Variants in MEOX2 observed in about 807,000 individuals in gnomAD.
MEOX2 encodes the protein mesenchyme homeobox 2.
Under a neutral mutation model 27.0 loss-of-function variants are expected in MEOX2, and 11 were observed. The ratio of observed to expected loss-of-function variants is 0.41; its 90% CI spans 0.26 to 0.68. The LOEUF (loss-of-function observed/expected upper bound fraction) is 0.68. Among genes scored for constraint, MEOX2 ranks in the 30% least tolerant of loss-of-function variants. The probability of loss-of-function intolerance (pLI) is 0.33; values close to 1 mark genes in which losing one functional copy is unlikely to be tolerated. For missense variants in MEOX2, 436 were observed against 385.4 expected (o/e 1.13, Z -1.10); for synonymous variants, 189 against 155.4 (o/e 1.22, Z -1.61).
chr7:15,657,322 A>G lies in MEOX2; in HGVS notation c.517+28564T>C, dbSNP rs573637487. On this transcript the variant is annotated intron_variant, in intron 1 of 2. Transcript: ENST00000262041. ...CCTCCCCGTCAGGAATTCCAATTAC[A>G]CAAATATTAGATTGCTTTTGGTCAC... Among the ~76,000 whole-genome samples, 5 of 152,246 alleles carry G rather than the reference A, an allele frequency of 3.3e-5. 1 individual carries two copies. The highest frequency in any genetic ancestry group is 1.2e-4 in the African/African-American group (5 of 41,568).
chr7:15,682,745 A>T (rs969804825), intron 1 of MEOX2, among the ~76,000 whole-genome samples: 3 of 151,886 alleles, frequency 2.0e-5, no homozygotes, highest in African/African-American at 7.2e-5. Flanking sequence ...AAGCCAAGCA[A>T]TTCACACTAT....
chr7:15,683,918 A>G (rs943186062), intron 1 of MEOX2, among the ~76,000 whole-genome samples: 33 of 152,316 alleles, frequency 2.2e-4, no homozygotes, highest in African/African-American at 7.7e-4. Flanking sequence ...CCTCATTATC[A>G]GCTTCAAAAT....
At chr7:15,652,579 C>G (rs1383580849) in intron 1 of MEOX2, among the ~76,000 whole-genome samples, 1 of 151,918 alleles carries the variant, frequency 6.6e-6, no homozygotes, top group East Asian at 1.9e-4. Flanking sequence ...TAAAGATATT[C>G]TAAAAAACTA....
At chr7:15,676,593 G>A (rs780783799) in intron 1 of MEOX2, among the ~76,000 whole-genome samples, 9 of 151,998 alleles carry the variant, frequency 5.9e-5, no homozygotes, top group Non-Finnish European at 1.2e-4. Flanking sequence ...AGTTCTGGCC[G>A]GGCGCGGTGG....
Position 15,685,913 on chromosome 7 carries a change from C to T in MEOX2, c.490G>A (p.Gly164Ser), listed in dbSNP as rs141784602. 4 of 1,607,666 alleles carry T rather than the reference C, an allele frequency of 2.5e-6. No homozygotes were observed. The highest frequency in any genetic ancestry group is 2.5e-6 in the Non-Finnish European group (3 of 1,177,446). ...LSPAEAEKRS[G>S]GKRKSDSSDS... The stretch of plus-strand genomic sequence containing the variant: ...GAGCTGTCGCTTTTCCTCTTGCCGC[C>T]GCTTCGCTTCTCCGCCTCCGCAGGT... Residue 164 changes from glycine (G) to serine (S), a missense_variant, in exon 1 of 3, where the codon GGC (glycine) becomes AGC (serine). Gly to Ser is a moderately conservative substitution (Grantham distance 56). Coordinates refer to ENST00000262041, the MANE Select transcript of MEOX2 (RefSeq NM_005924.5).
chr7:15,685,906 T>C lies in MEOX2; in HGVS notation c.497A>G (p.Lys166Arg), dbSNP rs1583801704. The C allele has an allele frequency of 6.2e-7, 1 of 1,605,426 alleles. No individual in the cohort carries two copies. The highest frequency in any genetic ancestry group is 1.1e-5 in the South Asian group (1 of 90,062). The change falls in exon 1 of 3, where the codon AAG (lysine) becomes AGG (arginine). Residue 166 changes from lysine to arginine, a missense_variant. Physicochemically the swap from Lys to Arg is conservative, Grantham distance 26 (BLOSUM62 2). Coordinates refer to ENST00000262041, the MANE Select transcript of MEOX2 (RefSeq NM_005924.5). Reference protein sequence around the residue: ...PAEAEKRSGGKRKSDSSDSQE... With the variant: ...PAEAEKRSGGRRKSDSSDSQE... ...CTTACCTGAGCTGTCGCTTTTCCTCTTGCCGCCGCTTCGCTTCTCCGCCTC... is the reference window on the plus strand; with the variant it reads ...CTTACCTGAGCTGTCGCTTTTCCTCCTGCCGCCGCTTCGCTTCTCCGCCTC...
At chr7:15,661,579 T>C (rs1262286867) in intron 1 of MEOX2, among the ~76,000 whole-genome samples, 1 of 152,166 alleles carries the variant, frequency 6.6e-6, no homozygotes, top group East Asian at 1.9e-4. Context: ...AGTGGGGAGA[T>C]GAATCAATCA....
chr7:15,645,500 A>G (rs1352454689), intron 1 of MEOX2, among the ~76,000 whole-genome samples: 2 of 152,212 alleles, frequency 1.3e-5, no homozygotes, highest in African/African-American at 4.8e-5. Context: ...CATGACTGCA[A>G]TAATATTTTT....
chr7:15,659,415 C>G (rs1237167301), intron 1 of MEOX2, among the ~76,000 whole-genome samples: 1 of 152,016 alleles, frequency 6.6e-6, no homozygotes, highest in East Asian at 1.9e-4. Context: ...ATATCTGTGT[C>G]TGCTATGTGT....
chr7:15,659,937 A>G (rs2115382836), intron 1 of MEOX2, among the ~76,000 whole-genome samples: 1 of 152,304 alleles, frequency 6.6e-6, no homozygotes, highest in South Asian at 2.1e-4. Flanking sequence ...AGAACTACAG[A>G]CTTTGTCTCT....
intron 1 of MEOX2, among the ~76,000 whole-genome samples, chr7:15,667,289 CAAAAA>C (rs532691969): frequency 0.041 from 1,685 of 40,946 alleles, 45 homozygotes; most frequent in Middle Eastern, 0.17. Context: ...GACTCTGTCT[CAAAAA>C]AAAAAAAAAA....
At chr7:15,638,631 CCTT>C (rs1056592020) in intron 1 of MEOX2, among the ~76,000 whole-genome samples, 1 of 152,042 alleles carries the variant, frequency 6.6e-6, no homozygotes, top group African/African-American at 2.4e-5. Context: ...ACCCTCTCCT[CCTT>C]CTCTCTCTCC....
intron 2 of MEOX2, among the ~76,000 whole-genome samples, chr7:15,614,456 T>C (rs527272479): frequency 1.3e-3 from 192 of 152,046 alleles, no homozygotes; most frequent in Non-Finnish European, 2.4e-3. Flanking sequence ...AGGTACTTAA[T>C]CAATGAAGTA....
chr7:15,629,076 C>A (rs184780380), intron 1 of MEOX2, among the ~76,000 whole-genome samples: 1 of 152,224 alleles, frequency 6.6e-6, no homozygotes, highest in Non-Finnish European at 1.5e-5. Flanking sequence ...CACTTTTTCT[C>A]ATGAGCAGTT....
chr7:15,646,315 C>T (rs1282662646), intron 1 of MEOX2, among the ~76,000 whole-genome samples: 1 of 152,064 alleles, frequency 6.6e-6, no homozygotes, highest in African/African-American at 2.4e-5. Flanking sequence ...TATATCTTCA[C>T]AATATAATTG....
chr7:15,655,321 A>G (rs1781800678), intron 1 of MEOX2, among the ~76,000 whole-genome samples: 1 of 151,646 alleles, frequency 6.6e-6, no homozygotes, highest in South Asian at 2.1e-4. Context: ...AATCATTTCA[A>G]AGAACGAGCT....
chr7:15,638,161 A>T (rs1339286323), intron 1 of MEOX2, among the ~76,000 whole-genome samples: 1 of 152,116 alleles, frequency 6.6e-6, no homozygotes, highest in African/African-American at 2.4e-5. Context: ...ATTTTAAAAG[A>T]TCCACAATCC....
At chr7:15,684,019 A>T (rs182730943) in intron 1 of MEOX2, among the ~76,000 whole-genome samples, 13 of 152,222 alleles carry the variant, frequency 8.5e-5, no homozygotes, top group South Asian at 6.2e-4. Flanking sequence ...TCCATTTTTT[A>T]AAAAAATTAT....
At chr7:15,631,136 A>G (rs1278671788) in intron 1 of MEOX2, among the ~76,000 whole-genome samples, 1 of 151,936 alleles carries the variant, frequency 6.6e-6, no homozygotes, top group Non-Finnish European at 1.5e-5. Flanking sequence ...AGCTATAATA[A>G]TACATTCTCT....
Sources: allele counts gnomAD v4.1 joint callset (sites outside exome capture counted in the v4.1 genomes callset), GRCh38; gene constraint gnomAD v4.1.1; transcripts MANE v1.5; gene names NCBI Gene and HGNC (gene_info 2026-07-23, HGNC 2026-07-21).